MUC4: variants seen among roughly 807,000 people sequenced by gnomAD.
MUC4 encodes the protein mucin 4, cell surface associated, also known as mucin-4.
MUC4 carries 202 observed loss-of-function variants against 257.9 expected under a neutral mutation model. The ratio of observed to expected loss-of-function variants is 0.78; its 90% CI spans 0.70 to 0.88. The LOEUF (loss-of-function observed/expected upper bound fraction) is 0.88, where lower values mean the gene tolerates loss of function less well. Ranked by LOEUF, MUC4 falls within the 40% of genes least tolerant of loss-of-function variation. The pLI, the probability that MUC4 is intolerant of heterozygous loss-of-function variation, is 0.00. For synonymous variants in MUC4, 2,351 were observed against 2,757.1 expected, an observed-to-expected ratio of 0.85 and a Z score of 4.62; for missense variants, 5,976 against 6,513.7, an observed-to-expected ratio of 0.92 and a Z score of 2.84.
At position 195,761,077 on chromosome 3, in the gene MUC4, G is replaced by A. The variant is rs1360529049; in HGVS notation, c.14655C>T (p.Asp4885=). 6.2e-7 allele frequency: 1 copy of A among 1,614,074 alleles called. No individual in the cohort carries two copies. Among genetic ancestry groups the A allele is most frequent in the Non-Finnish European group, 8.5e-7 (1 of 1,180,032 alleles). Reference sequence around the variant, plus strand: ...CAGGGGTGAAGTTGGAAGGCAGCTGGTCATTCCTCTTGCCAAGGAGGCCTG... The same window carrying A: ...CAGGGGTGAAGTTGGAAGGCAGCTGATCATTCCTCTTGCCAAGGAGGCCTG... The part of the protein sequence containing the change: ...NGTGLLGKRN[D]QLPSNFTPVF... Residue 4885 remains aspartate (D), a synonymous_variant, in exon 16 of 25, where the codon GAC becomes GAT. Coordinates refer to ENST00000463781, the MANE Select transcript of MUC4 (RefSeq NM_018406.7).
At position 195,790,692 on chromosome 3, in the gene MUC4, G is replaced by A. The variant is rs1368008923; in HGVS notation, c.888C>T (p.Ala296=). ...GTCCTTCTGGATCAAATGTTACTAAGGCTGCTGAGGTGACTGGCATAAGAC... is the reference window on the plus strand; with the variant it reads ...GTCCTTCTGGATCAAATGTTACTAAAGCTGCTGAGGTGACTGGCATAAGAC... The part of the protein sequence containing the change: ...TGSLMPVTSA[A]LVTFDPEGQS... The change falls in exon 2 of 25, where the codon GCC becomes GCT. Residue 296 remains alanine, a synonymous_variant. Transcript: ENST00000463781. 2.5e-6 allele frequency: 4 copies of A among 1,613,978 alleles called. No individual in the cohort carries two copies. The highest frequency in any genetic ancestry group is 1.7e-5 in the Admixed American group (1 of 60,018).
In MUC4 at chr3:195,790,529, T is replaced by A. The variant is rs751894589; in HGVS notation, c.1051A>T (p.Thr351Ser). 1 of 1,613,786 alleles carries A rather than the reference T, an allele frequency of 6.2e-7. No homozygotes were observed. Among genetic ancestry groups the A allele is most frequent in the African/African-American group, 1.3e-5 (1 of 74,896 alleles). ...LNTLTPVTTS[T>S]VLSSPSGFNP... is the part of the protein sequence containing the mutation. ...AATCCACTTGGTGAGGATAAAACAG[T>A]TGATGTTGTAACCGGTGTGAGGGTG... The change falls in exon 2 of 25, where the codon ACT (threonine) becomes TCT (serine). Residue 351 changes from threonine (T) to serine (S), a missense_variant. Coordinates refer to ENST00000463781, the MANE Select transcript of MUC4 (RefSeq NM_018406.7).
At chr3:195,753,573 C>T (rs1716907135) in intron 19 of MUC4, 1 of 391,912 alleles carries the variant, frequency 2.6e-6, no homozygotes, top group African/African-American at 2.2e-5. Context: ...TTTATAAAAG[C>T]TGCGGTTCTA....
intron 3 of MUC4, among the ~76,000 whole-genome samples, chr3:195,774,771 A>ATG (rs1723953848): frequency 6.6e-6 from 1 of 151,834 alleles, no homozygotes; most frequent in Admixed American, 6.6e-5. Context: ...GTGGTGGCGC[A>ATG]TGCCTGTAAT....
chr3:195,792,914 T>G (rs1306836822), intron 1 of MUC4, among the ~76,000 whole-genome samples: 2 of 152,054 alleles, frequency 1.3e-5, no homozygotes, highest in Non-Finnish European at 2.9e-5. Flanking sequence ...TTTTCACTCA[T>G]AAGTTGGAGT....
intron 7 of MUC4, among the ~76,000 whole-genome samples, chr3:195,767,555 TTAC>T (rs1379468148): frequency 0.021 from 1,087 of 52,694 alleles, 20 homozygotes; most frequent in Middle Eastern, 0.037. Flanking sequence ...ACCATCACCA[TTAC>T]CATTGCCACC....
At chr3:195,768,394 C>CCCACA in intron 7 of MUC4, among the ~76,000 whole-genome samples, 2 of 152,212 alleles carry the variant, frequency 1.3e-5, no homozygotes, top group Non-Finnish European at 2.9e-5. Flanking sequence ...ACACGGGAAT[C>CCCACA]CACATTTCAA....
chr3:195,785,894 A>G lies in MUC4; in HGVS notation c.5686T>C (p.Ser1896Pro). 6.7e-7 allele frequency: 1 copy of G among 1,491,234 alleles called. No individual in the cohort carries two copies. The highest frequency in any genetic ancestry group is 9.0e-7 in the Non-Finnish European group (1 of 1,109,862). The allele number at this position is 1,491,234 out of a possible 1,614,324, so 92.4% of individuals were successfully genotyped here. The change falls in exon 2 of 25, where the codon TCA becomes CCA. Residue 1896 changes from serine (S) to proline (P), a missense_variant. Ser to Pro is a moderately conservative substitution (Grantham distance 74). Around this residue, in one of 44 missense-constraint regions of MUC4, gnomAD observed 87 missense variants for 104.6 expected, o/e 0.83. Transcript: ENST00000463781. ...TTPLPVTDTN[S>P]ASTGDTTPLH... ...GGGGTGGTGTCACCTGTGGATGCTG[A>G]GTTAGTGTCGGTGACAGGAAGAGGG...
Position 195,754,255 on chromosome 3 carries a change from C to A in MUC4, c.15286G>T (p.Ala5096Ser). ...VHCVPGKGCE[A>S]CPPNLTGDGR... Reference sequence around the variant, plus strand: ...TCCCCAGTCAGGTTTGGAGGGCAGGCCTCGCAGCCCTTCCCAGGAACGCAG... The same window carrying A: ...TCCCCAGTCAGGTTTGGAGGGCAGGACTCGCAGCCCTTCCCAGGAACGCAG... The change falls in exon 19 of 25, where the codon GCC (alanine) becomes TCC (serine). Residue 5096 changes from alanine to serine, a missense_variant. Around this residue, in one of 44 missense-constraint regions of MUC4, gnomAD observed 996 missense variants for 1,137.3 expected, o/e 0.88. Coordinates refer to ENST00000463781, the MANE Select transcript of MUC4 (RefSeq NM_018406.7). 2 of 1,614,038 alleles carry A rather than the reference C, an allele frequency of 1.2e-6. No homozygotes were observed. Among genetic ancestry groups the A allele is most frequent in the African/African-American group, 1.3e-5 (1 of 75,074 alleles).
chr3:195,775,290 CCTT>C (rs1390216079), intron 3 of MUC4, among the ~76,000 whole-genome samples: 1 of 150,074 alleles, frequency 6.7e-6, no homozygotes, highest in East Asian at 2.0e-4. Flanking sequence ...TTTTTGCTAC[CCTT>C]CTTCTCATTT....
chr3:195,800,993 A>G (rs1735231441), intron 1 of MUC4, among the ~76,000 whole-genome samples: 1 of 152,102 alleles, frequency 6.6e-6, no homozygotes, highest in African/African-American at 2.4e-5. Context: ...CGTGGACCCC[A>G]CGTTCAGAAA....
chr3:195,802,391 G>GCTCT (rs1341689979), intron 1 of MUC4, among the ~76,000 whole-genome samples: 2 of 152,188 alleles, frequency 1.3e-5, no homozygotes, highest in African/African-American at 4.8e-5. Context: ...CCGCACCCCT[G>GCTCT]CTCTCAGCCT....
rs1201307270 is a variant in MUC4, at chr3:195,775,963, A to G, written c.12944-1658T>C. 2.1e-4 allele frequency among the ~76,000 whole-genome samples: 11 copies of G among 51,896 alleles called. 1 individual carries two copies. Among genetic ancestry groups the G allele is most frequent in the African/African-American group, 6.3e-4 (5 of 7,960 alleles). The allele number at this position is 51,896 out of a possible 152,430, so 34.0% of individuals were successfully genotyped here. A position where few individuals can be genotyped will look rare whatever the true frequency, so the allele number is the denominator to read the frequency against. ...TACCTTCCACACCCATACCTTCCAC[A>G]CCCATACCTTCCACATCCATACCTT... On this transcript the variant is annotated intron_variant, in intron 3 of 24. Coordinates refer to ENST00000463781, the MANE Select transcript of MUC4 (RefSeq NM_018406.7).
chr3:195,766,580 C>G, intron 8 of MUC4, 83 bp downstream of exon 8: 1 of 1,234,740 alleles, frequency 8.1e-7, no homozygotes, highest in Non-Finnish European at 1.2e-6. Flanking sequence ...AGGGAGGTGC[C>G]CTCTAGGACT....
At chr3:195,807,404 G>T (rs1222294269) in intron 1 of MUC4, among the ~76,000 whole-genome samples, 1 of 152,120 alleles carries the variant, frequency 6.6e-6, no homozygotes, top group African/African-American at 2.4e-5. Context: ...GGAGGCAGAG[G>T]CTGCACTGAG....
Position 195,761,130 on chromosome 3 carries a change from G to A in MUC4, c.14615-13C>T, listed in dbSNP as rs550581832. 97 of 1,609,798 alleles carry A rather than the reference G, an allele frequency of 6.0e-5. 1 individual carries two copies. In the South Asian group the frequency reaches 9.3e-4, roughly 16 times the overall value. The stretch of plus-strand genomic sequence containing the variant: ...CCGTTGATCTGCCCTGTAACACACA[G>A]AGCGCGGTGGTACCAGGCATGGCAC... On this transcript the variant is annotated splice_polypyrimidine_tract_variant and intron_variant, in intron 15 of 24. Coordinates refer to ENST00000463781, the MANE Select transcript of MUC4 (RefSeq NM_018406.7).
Position 195,766,557 on chromosome 3 carries a change from T to C in MUC4, c.13618+106A>G, listed in dbSNP as rs1720537472. The C allele has an allele frequency of 7.5e-5, 74 of 983,654 alleles. No homozygotes were observed. The South Asian group carries it at 1.0e-3, about 14-fold the overall frequency. 60.9% of individuals were successfully genotyped at this position (983,654 alleles called of 1,614,324 possible). On this transcript the variant is annotated intron_variant, in intron 8 of 24. Transcript: ENST00000463781. ...ACTGTGTGGGGGAGGCCCTTCAGGA[T>C]GGCCGTGATGTTAGGGAGGTGCCCT...
Position 195,790,865 on chromosome 3 carries a change from T to A in MUC4, c.715A>T (p.Thr239Ser). 1 of 1,613,950 alleles carries A rather than the reference T, an allele frequency of 6.2e-7. No individual in the cohort carries two copies. Among genetic ancestry groups the A allele is most frequent in the South Asian group, 1.1e-5 (1 of 91,084 alleles). The change falls in exon 2 of 25, where the codon ACA (threonine) becomes TCA (serine). Residue 239 changes from threonine (T) to serine (S), a missense_variant. Thr to Ser is a moderately conservative substitution (Grantham distance 58). This residue lies in a region of MUC4 where 1,583 missense variants were observed against 1,257.4 expected (regional missense o/e 1.26). Coordinates refer to ENST00000463781, the MANE Select transcript of MUC4 (RefSeq NM_018406.7). ...HNVTGTVSQK[T>S]SPSGETATSS... is the part of the protein sequence containing the mutation. Reference sequence around the variant, plus strand: ...GTAGCTGTTTCACCTGAAGGAGATGTCTTCTGAGAAACAGTCCCTGTCACA... The same window carrying A: ...GTAGCTGTTTCACCTGAAGGAGATGACTTCTGAGAAACAGTCCCTGTCACA...
chr3:195,803,932 C>T (rs1031706353), intron 1 of MUC4, among the ~76,000 whole-genome samples: 28 of 152,070 alleles, frequency 1.8e-4, no homozygotes, highest in African/African-American at 6.0e-4. Context: ...TCGGGGTGGA[C>T]GCTGTGACAC....
Sources: allele counts gnomAD v4.1 joint callset (sites outside exome capture counted in the v4.1 genomes callset), GRCh38; gene constraint gnomAD v4.1.1; regional missense constraint gnomAD v4.1.1; transcripts MANE v1.5; gene names NCBI Gene and HGNC (gene_info 2026-07-23, HGNC 2026-07-21).